FARS2: variants seen among roughly 807,000 people sequenced by gnomAD.
FARS2 encodes phenylalanine--tRNA ligase, mitochondrial.
FARS2 carries 40 observed loss-of-function variants against 46.4 expected under a neutral mutation model. The ratio of observed to expected loss-of-function variants is 0.86; its 90% CI spans 0.67 to 1.12. The LOEUF (loss-of-function observed/expected upper bound fraction) is 1.12, where lower values mean the gene tolerates loss of function less well. Ranked by LOEUF, FARS2 falls within the 50% of genes most tolerant of loss-of-function variation. The probability of loss-of-function intolerance (pLI) is 0.00; values close to 1 mark genes in which losing one functional copy is unlikely to be tolerated. For synonymous variants in FARS2, 234 were observed against 214.9 expected (o/e 1.09, Z -0.78); for missense variants, 513 against 567.9 (o/e 0.90, Z 0.98).
At chr6:5,707,616 A>G (rs1004909208) in intron 6 of FARS2, among the ~76,000 whole-genome samples, 1 of 152,232 alleles carries the variant, frequency 6.6e-6, no homozygotes, top group Non-Finnish European at 1.5e-5. Context: ...CAACACTAGT[A>G]TCCTTGTGAG....
Position 5,558,183 on chromosome 6 carries a change from A to G in FARS2, c.1065+12843A>G, listed in dbSNP as rs73358247. The stretch of plus-strand genomic sequence containing the variant: ...GTCGTTAACTTCCCTCATCCTGTAC[A>G]AAAGAACAAACGCATTTCTTCACTA... On this transcript the variant is annotated intron_variant, in intron 5 of 6. Transcript: ENST00000274680. 5.3e-3 allele frequency among the ~76,000 whole-genome samples: 803 copies of G among 152,300 alleles called. 15 individuals are homozygous for G. Among genetic ancestry groups the G allele is most frequent in the African/African-American group, 0.019 (769 of 41,524 alleles).
chr6:5,367,481 C>G (rs1411554638), intron 1 of FARS2, among the ~76,000 whole-genome samples: 3 of 152,048 alleles, frequency 2.0e-5, no homozygotes, highest in Admixed American at 6.6e-5. Context: ...GAAGAAGACA[C>G]TGTGTGAGTG....
At chr6:5,500,233 G>A (rs909568645) in intron 4 of FARS2, among the ~76,000 whole-genome samples, 2 of 152,072 alleles carry the variant, frequency 1.3e-5, no homozygotes, top group African/African-American at 4.8e-5. Flanking sequence ...CTCTAGCTTG[G>A]GAAAATGTGT....
intron 6 of FARS2, among the ~76,000 whole-genome samples, chr6:5,739,204 G>A (rs1388132362): frequency 3.9e-5 from 6 of 152,032 alleles, no homozygotes; most frequent in Non-Finnish European, 8.8e-5. Flanking sequence ...ATCAAAAAAT[G>A]AAGAATCCTG....
chr6:5,478,410 A>G (rs1417378782), intron 4 of FARS2, among the ~76,000 whole-genome samples: 1 of 152,216 alleles, frequency 6.6e-6, no homozygotes, highest in East Asian at 1.9e-4. Flanking sequence ...AATCTTGGGA[A>G]TAGACAGGAA....
chr6:5,415,310 CTT>C (rs773981175), intron 3 of FARS2, among the ~76,000 whole-genome samples: 684 of 53,496 alleles, frequency 0.013, 1 homozygote, highest in South Asian at 0.018. Flanking sequence ...CTTTTCTTTT[CTT>C]TTTTTTTTTT....
At chr6:5,502,216 C>G (rs149826569) in intron 4 of FARS2, among the ~76,000 whole-genome samples, 1,870 of 152,260 alleles carry the variant, frequency 0.012, 37 homozygotes, top group African/African-American at 0.042. Context: ...GGCCTTTAGT[C>G]AGATGAAACA....
At chr6:5,434,627 T>A (rs115346124) in intron 4 of FARS2, among the ~76,000 whole-genome samples, 1 of 152,180 alleles carries the variant, frequency 6.6e-6, no homozygotes, top group East Asian at 1.9e-4. Context: ...CATTTGTAAG[T>A]GCAGCTAAAT....
intron 4 of FARS2, among the ~76,000 whole-genome samples, chr6:5,437,151 A>T (rs926156465): frequency 9.2e-5 from 14 of 152,310 alleles, no homozygotes; most frequent in African/African-American, 3.4e-4. Context: ...TATAAATGGA[A>T]TTGTACAGTG....
intron 5 of FARS2, among the ~76,000 whole-genome samples, chr6:5,545,658 G>A (rs1441894195): frequency 6.6e-6 from 1 of 152,050 alleles, no homozygotes; most frequent in African/African-American, 2.4e-5. Flanking sequence ...CCCTCCCTGT[G>A]TCCATGTGTT....
chr6:5,712,391 GGCCTCCCA>G (rs1162505333), intron 6 of FARS2, among the ~76,000 whole-genome samples: 3 of 151,238 alleles, frequency 2.0e-5, no homozygotes. Flanking sequence ...CTGGTTTCCA[GGCCTCCCA>G]GTCTCTTGCG....
intron 6 of FARS2, among the ~76,000 whole-genome samples, chr6:5,690,064 CA>C (rs1371345174): frequency 1.2e-4 from 19 of 152,172 alleles, no homozygotes; most frequent in African/African-American, 3.9e-4. Flanking sequence ...GATCTTCCTT[CA>C]TCCCTTTATT....
chr6:5,760,538 T>C (rs1237236411), intron 6 of FARS2, among the ~76,000 whole-genome samples: 2 of 152,208 alleles, frequency 1.3e-5, no homozygotes, highest in Non-Finnish European at 2.9e-5. Flanking sequence ...GACCTGATCC[T>C]GGGTCCAGTT....
chr6:5,260,752 T>G (rs374797628), upstream of FARS2: 1 of 1,540,372 alleles, frequency 6.5e-7, no homozygotes, highest in Admixed American at 2.0e-5. Flanking sequence ...GAAAAAAAAA[T>G]AAACGGGTCC....
chr6:5,485,148 A>G (rs75702472), intron 4 of FARS2, among the ~76,000 whole-genome samples: 2,451 of 152,144 alleles, frequency 0.016, 68 homozygotes, highest in African/African-American at 0.055. Context: ...TTCAGCTTCT[A>G]CAGAAATTTT....
intron 1 of FARS2, among the ~76,000 whole-genome samples, chr6:5,268,590 T>A (rs1053788904): frequency 5.3e-5 from 8 of 152,066 alleles, no homozygotes; most frequent in Non-Finnish European, 1.2e-4. Flanking sequence ...AGTACCATGC[T>A]GTTTTGGTTA....
At chr6:5,364,247 A>G (rs971104940) in intron 1 of FARS2, among the ~76,000 whole-genome samples, 4 of 152,182 alleles carry the variant, frequency 2.6e-5, no homozygotes, top group Non-Finnish European at 4.4e-5. Context: ...TTATGAGATA[A>G]GTATTATATT....
intron 6 of FARS2, among the ~76,000 whole-genome samples, chr6:5,663,532 C>T (rs1265929164): frequency 6.6e-6 from 1 of 152,118 alleles, no homozygotes; most frequent in Non-Finnish European, 1.5e-5. Context: ...GTTAATGACT[C>T]AGAGAATGTG....
At chr6:5,340,106 G>A (rs1328696887) in intron 1 of FARS2, among the ~76,000 whole-genome samples, 1 of 152,130 alleles carries the variant, frequency 6.6e-6, no homozygotes, top group Non-Finnish European at 1.5e-5. Context: ...TTCTTATTAG[G>A]TGCCTTTCAC....
Sources: gnomAD v4.1 joint callset for allele counts (sites outside exome capture counted in the v4.1 genomes callset) on GRCh38, gnomAD v4.1.1 for gene constraint, MANE v1.5 for transcripts, NCBI Gene and HGNC (gene_info 2026-07-23, HGNC 2026-07-21) for gene names.